Variants in COPRS observed in about 807,000 individuals in gnomAD.
The protein encoded by COPRS is cooperator of PRMT5.
COPRS carries 11 observed loss-of-function variants against 19.9 expected under a neutral mutation model. The observed-to-expected ratio is 0.55, with a 90% CI of 0.35 to 0.92. The LOEUF (loss-of-function observed/expected upper bound fraction) is 0.92. Ranked by LOEUF, COPRS falls within the 40% of genes least tolerant of loss-of-function variation. The pLI, the probability that COPRS is intolerant of heterozygous loss-of-function variation, is 0.01. For missense variants in COPRS, 225 were observed against 229.9 expected, an observed-to-expected ratio of 0.98 and a Z score of 0.14; for synonymous variants, 81 against 82.7, an observed-to-expected ratio of 0.98 and a Z score of 0.11.
At chr17:31,858,508 C>G in intron 1 of COPRS, 1 of 613,068 alleles carries the variant, frequency 1.6e-6, no homozygotes, top group Non-Finnish European at 2.0e-6. Flanking sequence ...CTAGCCGGTA[C>G]AGACTGTAAA....
chr17:31,855,315 T>G lies in COPRS; in HGVS notation c.166+1484A>C, dbSNP rs557106235. ...TCACGAGGTCAGGAGATCGAGACCATCCTAACAAGGTAAAATCCTATCTCT... is the reference window on the plus strand; with the variant it reads ...TCACGAGGTCAGGAGATCGAGACCAGCCTAACAAGGTAAAATCCTATCTCT... On this transcript the variant is annotated intron_variant, in intron 2 of 3. Transcript: ENST00000302362. Among the ~76,000 whole-genome samples, 177 of 151,992 alleles carry G rather than the reference T, an allele frequency of 1.2e-3. 2 individuals carry two copies. Among genetic ancestry groups the G allele is most frequent in the East Asian group, 1.2e-3 (6 of 5,134 alleles).
At chr17:31,857,196 G>A (rs1909386603) in intron 1 of COPRS, among the ~76,000 whole-genome samples, 2 of 152,128 alleles carry the variant, frequency 1.3e-5, no homozygotes, top group African/African-American at 4.8e-5. Flanking sequence ...TTAGAGGTCT[G>A]GGTCTCAGGA....
In COPRS at chr17:31,856,790, T is replaced by G. The variant is rs375885741; in HGVS notation, c.166+9A>C. 1.3e-6 allele frequency: 2 copies of G among 1,574,100 alleles called. No individual in the cohort carries two copies. The highest frequency in any genetic ancestry group is 2.7e-5 in the African/African-American group (2 of 74,044). ...GTCTCCCCAACTTCCGTCTCTGCCA[T>G]CTACTTGCCTAGTCGATCCATAGCC... On this transcript the variant is annotated intron_variant, in intron 2 of 3. Coordinates refer to ENST00000302362, the MANE Select transcript of COPRS (RefSeq NM_018405.4).
At chr17:31,855,721 C>A (rs893356259) in intron 2 of COPRS, among the ~76,000 whole-genome samples, 1 of 150,712 alleles carries the variant, frequency 6.6e-6, no homozygotes, top group African/African-American at 2.4e-5. Flanking sequence ...AGGGGCCAAG[C>A]GTGGTAGCTC....
Position 31,859,221 on chromosome 17 carries a change from C to A in COPRS, c.-22G>T. ...CCATGCCCTGCGGCCCGCGGCTGGT[C>A]GCCCTGGACGCCGTGGGCCACGTGA... On this transcript the variant is annotated 5_prime_UTR_variant, in exon 1 of 4. Transcript: ENST00000302362. 5.0e-6 allele frequency: 5 copies of A among 997,842 alleles called. No individual in the cohort carries two copies. In the South Asian group the frequency reaches 2.3e-4, roughly 46 times the overall value. 61.8% of individuals were successfully genotyped at this position (997,842 alleles called of 1,614,324 possible).
intron 2 of COPRS, among the ~76,000 whole-genome samples, chr17:31,853,986 T>C (rs765991658): frequency 6.6e-6 from 1 of 152,128 alleles, no homozygotes; most frequent in Non-Finnish European, 1.5e-5. Flanking sequence ...GGAACAACAG[T>C]AACAGTGATA....
chr17:31,859,008 C>CCCCGGCCCCGCGGCCCCCG (rs1567770998), intron 1 of COPRS, 93 bp downstream of exon 1: 2 of 1,224,814 alleles, frequency 1.6e-6, no homozygotes, highest in Non-Finnish European at 2.0e-6. Context: ...AGAGGCGCTT[C>CCCCGGCCCCGCGGCCCCCG]CCCGGCCCCG....
intron 1 of COPRS, chr17:31,858,283 C>T (rs1909423332): frequency 2.3e-5 from 18 of 789,304 alleles, no homozygotes; most frequent in Non-Finnish European, 2.5e-5. Flanking sequence ...TGATCCTTTC[C>T]TGCTATGCCC....
At chr17:31,857,921 C>G (rs1194267979) in intron 1 of COPRS, among the ~76,000 whole-genome samples, 1 of 152,178 alleles carries the variant, frequency 6.6e-6, no homozygotes, top group African/African-American at 2.4e-5. Flanking sequence ...CTAGTCATGT[C>G]TGGGTTTAAT....
intron 1 of COPRS, 63 bp downstream of exon 1, chr17:31,859,038 C>T: frequency 1.7e-6 from 2 of 1,171,676 alleles, no homozygotes; most frequent in Non-Finnish European, 1.0e-6. Context: ...CCCAGCCCGG[C>T]CCCGCGACTT....
chr17:31,858,969 C>T, intron 1 of COPRS, 132 bp downstream of exon 1: 3 of 1,374,896 alleles, frequency 2.2e-6, no homozygotes, highest in Non-Finnish European at 2.8e-6. Flanking sequence ...AAACAGCGCT[C>T]CGTGTCGCGG....
At chr17:31,853,530 C>T (rs1909229879) in intron 2 of COPRS, among the ~76,000 whole-genome samples, 2 of 152,160 alleles carry the variant, frequency 1.3e-5, no homozygotes, top group Admixed American at 1.3e-4. Context: ...CAAGCGCCCG[C>T]CACCACGCCC....
At chr17:31,856,754 T>C in intron 2 of COPRS, 45 bp downstream of exon 2, 1 of 1,179,544 alleles carries the variant, frequency 8.5e-7, no homozygotes, top group Non-Finnish European at 1.3e-6. Context: ...ATTCCTCTCC[T>C]CACATCCTTG....
At chr17:31,852,353 A>G (rs1909192577) in intron 3 of COPRS, 45 bp from the exon 4 acceptor site, 3 of 1,515,162 alleles carry the variant, frequency 2.0e-6, no homozygotes, top group Non-Finnish European at 2.7e-6. Context: ...GAAGGAGGGA[A>G]GGAAGGAAGG....
chr17:31,858,729 A>C, intron 1 of COPRS: 1 of 1,548,130 alleles, frequency 6.5e-7, no homozygotes, highest in Non-Finnish European at 8.7e-7. Context: ...AGGTCTGTAA[A>C]GTCAAGTCCC....
chr17:31,857,773 T>C (rs1909408622), intron 1 of COPRS, among the ~76,000 whole-genome samples: 1 of 152,208 alleles, frequency 6.6e-6, no homozygotes, highest in African/African-American at 2.4e-5. Flanking sequence ...GTTCTGACCC[T>C]GCAGGGGACT....
intron 2 of COPRS, among the ~76,000 whole-genome samples, chr17:31,854,684 G>A (rs1271023448): frequency 2.6e-5 from 4 of 152,152 alleles, no homozygotes; most frequent in Non-Finnish European, 4.4e-5. Flanking sequence ...TTGAAAATAC[G>A]CTAAGTGGAA....
At chr17:31,856,922 T>C in intron 1 of COPRS, 57 bp from the exon 2 acceptor site, 2 of 1,077,224 alleles carry the variant, frequency 1.9e-6, no homozygotes. Flanking sequence ...TGCCCAGTAT[T>C]CAGCTATTGC....
Position 31,855,486 on chromosome 17 carries a change from G to A in COPRS, c.166+1313C>T, listed in dbSNP as rs565508546. ...AGTGCCACTGCCTGGGAGACAGAGC[G>A]AGACTCCGTCTCAAAAAATAAATAA... On this transcript the variant is annotated intron_variant, in intron 2 of 3. Transcript: ENST00000302362. Among the ~76,000 whole-genome samples the A allele has an allele frequency of 3.7e-4, 56 of 151,658 alleles. 1 individual carries two copies. Among genetic ancestry groups the A allele is most frequent in the Middle Eastern group, 6.8e-3 (2 of 294 alleles).
Sources: allele counts gnomAD v4.1 joint callset (sites outside exome capture counted in the v4.1 genomes callset), GRCh38; gene constraint gnomAD v4.1.1; transcripts MANE v1.5; gene names NCBI Gene and HGNC (gene_info 2026-07-23, HGNC 2026-07-21).